Variants in PCNX2 observed in about 807,000 individuals in gnomAD.
PCNX2 encodes pecanex-like protein 2.
PCNX2 carries 168 observed loss-of-function variants against 223.8 expected under a neutral mutation model. That is an observed-to-expected ratio of 0.75 (90% CI 0.66 to 0.85). The LOEUF (loss-of-function observed/expected upper bound fraction) is 0.85. Ranked by LOEUF, PCNX2 falls within the 40% of genes least tolerant of loss-of-function variation. PCNX2 has a pLI of 0.00. For missense variants in PCNX2, 2,507 were observed against 2,675.5 expected (o/e 0.94, Z 1.39); for synonymous variants, 1,006 against 1,052.6 (o/e 0.96, Z 0.86).
At position 233,058,665 on chromosome 1, in the gene PCNX2, CT is replaced by C. The variant is rs771648037; in HGVS notation, c.4077-1376del. On this transcript the variant is annotated intron_variant, in intron 23 of 33. Transcript: ENST00000258229. The stretch of plus-strand genomic sequence containing the variant: ...CTGCTTTTTCTTTTTCTTTTCTTTT[CT>C]TTTTTTTTTTTTTTTTTTGAGATGG... 4.2e-3 allele frequency: 508 copies of C among 119,794 alleles called. 1 individual carries two copies. The highest frequency in any genetic ancestry group is 0.011 in the African/African-American group (328 of 28,792). The allele number at this position is 119,794 out of a possible 1,614,324, so 7.4% of individuals were successfully genotyped here. A position where few individuals can be genotyped will look rare whatever the true frequency, so the allele number is the denominator to read the frequency against.
At chr1:233,205,413 G>A (rs1681382623) in intron 13 of PCNX2, among the ~76,000 whole-genome samples, 1 of 152,132 alleles carries the variant, frequency 6.6e-6, no homozygotes. Flanking sequence ...CAGACTTTTG[G>A]CCGGGCATGG....
intron 15 of PCNX2, among the ~76,000 whole-genome samples, chr1:233,191,716 C>T (rs1017825046): frequency 6.6e-6 from 1 of 152,180 alleles, no homozygotes; most frequent in Non-Finnish European, 1.5e-5. Flanking sequence ...CAGGAAAAGA[C>T]CTCTGCTAAC....
At chr1:233,285,723 A>T (rs1375646836) in intron 1 of PCNX2, among the ~76,000 whole-genome samples, 1 of 152,192 alleles carries the variant, frequency 6.6e-6, no homozygotes, top group Non-Finnish European at 1.5e-5. Context: ...AGCCAAACAC[A>T]TGTTTAGGTT....
chr1:233,065,692 C>G (rs1025575667), intron 23 of PCNX2: 1 of 151,330 alleles, frequency 6.6e-6, no homozygotes, highest in Admixed American at 6.6e-5. Context: ...AAAAAAGCAT[C>G]AACAAACCCC....
intron 17 of PCNX2, among the ~76,000 whole-genome samples, chr1:233,168,634 A>G (rs1255683107): frequency 6.6e-6 from 1 of 152,106 alleles, no homozygotes; most frequent in African/African-American, 2.4e-5. Context: ...GTTGCCTTCC[A>G]TTGTTTACCA....
intron 22 of PCNX2, among the ~76,000 whole-genome samples, chr1:233,092,105 G>A (rs1228492173): frequency 6.6e-6 from 1 of 152,168 alleles, no homozygotes; most frequent in African/African-American, 2.4e-5. Context: ...AGATATCATT[G>A]AGTGAAGGTA....
At chr1:233,217,581 A>G (rs1657043763) in intron 12 of PCNX2, among the ~76,000 whole-genome samples, 2 of 152,164 alleles carry the variant, frequency 1.3e-5, no homozygotes, top group Admixed American at 1.3e-4. Flanking sequence ...AAAGACAGGC[A>G]GTCTGATGGC....
chr1:233,268,862 G>A (rs1020490881), intron 1 of PCNX2, among the ~76,000 whole-genome samples: 1 of 152,174 alleles, frequency 6.6e-6, no homozygotes, highest in African/African-American at 2.4e-5. Flanking sequence ...AACTGGGCAT[G>A]TCTTTCTCAT....
At chr1:233,022,344 A>G (rs1284667888) in intron 26 of PCNX2, among the ~76,000 whole-genome samples, 1 of 152,158 alleles carries the variant, frequency 6.6e-6, no homozygotes, top group Non-Finnish European at 1.5e-5. Flanking sequence ...CCCAAAGAGG[A>G]CTCAGTTGTG....
chr1:233,162,017 T>G (rs1419546795), intron 17 of PCNX2, among the ~76,000 whole-genome samples: 1 of 149,428 alleles, frequency 6.7e-6, no homozygotes, highest in African/African-American at 2.4e-5. Context: ...TGTTTATATT[T>G]ATATATATAC....
intron 21 of PCNX2, among the ~76,000 whole-genome samples, chr1:233,115,489 G>A (rs1675356512): frequency 6.6e-6 from 1 of 152,136 alleles, no homozygotes; most frequent in Admixed American, 6.5e-5. Context: ...CGTTAAACAT[G>A]GCCTAACTCT....
Position 233,278,464 on chromosome 1 carries a change from G to A in PCNX2, c.154-15301C>T, listed in dbSNP as rs190649528. Among the ~76,000 whole-genome samples the A allele has an allele frequency of 5.9e-5, 9 of 152,300 alleles. No homozygotes were observed. The East Asian group carries it at 1.3e-3, about 23-fold the overall frequency. On this transcript the variant is annotated intron_variant, in intron 1 of 33. Coordinates refer to ENST00000258229, the MANE Select transcript of PCNX2 (RefSeq NM_014801.4). Reference sequence around the variant, plus strand: ...GTGACATCATGTCAATGGGACAAGCGCCTCCTGAGGTGTTTTATCACCATG... The same window carrying A: ...GTGACATCATGTCAATGGGACAAGCACCTCCTGAGGTGTTTTATCACCATG...
At chr1:233,088,002 A>G (rs1673689542) in intron 23 of PCNX2, among the ~76,000 whole-genome samples, 1 of 152,216 alleles carries the variant, frequency 6.6e-6, no homozygotes, top group Non-Finnish European at 1.5e-5. Context: ...GTGGGACTGA[A>G]TAAACATAAA....
At chr1:233,289,612 T>C (rs1389458592) in intron 1 of PCNX2, among the ~76,000 whole-genome samples, 2 of 152,186 alleles carry the variant, frequency 1.3e-5, no homozygotes, top group African/African-American at 4.8e-5. Flanking sequence ...ATGGAGATAG[T>C]GCAAAGGATC....
chr1:233,139,615 G>A lies in PCNX2; in HGVS notation c.3659+99C>T, dbSNP rs537818349. On this transcript the variant is annotated intron_variant, in intron 20 of 33. Coordinates refer to ENST00000258229, the MANE Select transcript of PCNX2 (RefSeq NM_014801.4). This position sits in a 1 kb window ranked among gnomAD's most constrained non-coding sequence, Gnocchi z 4.4. ...TATTTTTACATGGCCAATCACAGTCGGTAAAGGTTGGCTTCTTCTGCAGAT... is the reference window on the plus strand; with the variant it reads ...TATTTTTACATGGCCAATCACAGTCAGTAAAGGTTGGCTTCTTCTGCAGAT... 5.2e-4 allele frequency: 713 copies of A among 1,365,088 alleles called. No homozygotes were observed. The highest frequency in any genetic ancestry group is 6.0e-4 in the Non-Finnish European group (609 of 1,007,042). 84.6% of individuals were successfully genotyped at this position (1,365,088 alleles called of 1,614,324 possible). A position where few individuals can be genotyped will look rare whatever the true frequency, so the allele number is the denominator to read the frequency against.
rs774937716 is a variant in PCNX2 at position 233,258,871 on chromosome 1, A to G, written c.991T>C (p.Cys331Arg). The change falls in exon 5 of 34, where the codon TGT becomes CGT. Residue 331 changes from cysteine to arginine, a missense_variant. By Grantham distance (180) the Cys-to-Arg change is radical. Around this residue, in one of 3 missense-constraint regions of PCNX2, gnomAD observed 1,031 missense variants for 1,021.7 expected, o/e 1.01. Transcript: ENST00000258229. ...KPVEEPADTS[C>R]QVDTSCQGDL... is the part of the protein sequence containing the mutation. ...CCCTGGCAGGAGGTATCTACCTGAC[A>G]GGATGTGTCTGCTGGCTCCTCCACA... is the stretch of plus-strand genomic sequence containing the variant. The G allele has an allele frequency of 2.0e-5, 32 of 1,613,858 alleles. No homozygotes were observed. Among genetic ancestry groups the G allele is most frequent in the Non-Finnish European group, 2.5e-5 (30 of 1,179,896 alleles).
At chr1:233,043,761 T>C (rs1671729154) in intron 25 of PCNX2, among the ~76,000 whole-genome samples, 1 of 135,458 alleles carries the variant, frequency 7.4e-6, no homozygotes, top group Non-Finnish European at 1.6e-5. Context: ...GGCTGCATAG[T>C]ATTCCATGGT....
the PCNX2 span, among the ~76,000 whole-genome samples, chr1:233,306,409 C>G: frequency 6.6e-6 from 1 of 152,146 alleles, no homozygotes; most frequent in African/African-American, 2.4e-5. Context: ...ATGTAGATAT[C>G]CAGTACTGGT....
At chr1:233,327,033 C>CG in the PCNX2 span, among the ~76,000 whole-genome samples, 1 of 152,130 alleles carries the variant, frequency 6.6e-6, no homozygotes, top group Non-Finnish European at 1.5e-5. Context: ...GGCTCAAACG[C>CG]ACTTAGCATG....
Sources: allele counts gnomAD v4.1 joint callset (sites outside exome capture counted in the v4.1 genomes callset), GRCh38; gene constraint gnomAD v4.1.1; regional missense constraint gnomAD v4.1.1; non-coding constraint Gnocchi (gnomAD v3.1); transcripts MANE v1.5; gene names NCBI Gene and HGNC (gene_info 2026-07-23, HGNC 2026-07-21).